Variants in DSCAM observed in about 807,000 individuals in gnomAD.
DSCAM encodes cell adhesion molecule DSCAM.
A neutral mutation model predicts 217.7 loss-of-function variants in DSCAM; 47 were observed. That is an observed-to-expected ratio of 0.22 (90% CI 0.17 to 0.28). The LOEUF (loss-of-function observed/expected upper bound fraction) is 0.28, where lower values mean the gene tolerates loss of function less well. Among genes scored for constraint, DSCAM ranks in the 10% least tolerant of loss-of-function variants. DSCAM has a pLI of 1.00. For synonymous variants in DSCAM, 1,056 were observed against 1,015.3 expected, an observed-to-expected ratio of 1.04 and a Z score of -0.76; for missense variants, 2,080 against 2,618.3, an observed-to-expected ratio of 0.79 and a Z score of 4.49.
At chr21:40,186,385 T>C (rs907823709) in intron 14 of DSCAM, among the ~76,000 whole-genome samples, 1 of 152,176 alleles carries the variant, frequency 6.6e-6, no homozygotes, top group African/African-American at 2.4e-5. Context: ...CTTCCCATGC[T>C]GGTGGTGCTC....
At chr21:40,519,134 G>A (rs765723911) in intron 3 of DSCAM, among the ~76,000 whole-genome samples, 2 of 152,084 alleles carry the variant, frequency 1.3e-5, no homozygotes, top group Non-Finnish European at 2.9e-5. Context: ...TATGAATCTG[G>A]TAATTCAAGA....
chr21:40,071,155 G>A (rs899682581), intron 27 of DSCAM, among the ~76,000 whole-genome samples: 5 of 152,146 alleles, frequency 3.3e-5, no homozygotes, highest in Admixed American at 6.6e-5. Flanking sequence ...GGGCTGCTGG[G>A]ATCTCAGGCC....
At chr21:40,268,035 G>T (rs1038316954) in intron 11 of DSCAM, among the ~76,000 whole-genome samples, 2 of 152,180 alleles carry the variant, frequency 1.3e-5, no homozygotes, top group Non-Finnish European at 2.9e-5. Flanking sequence ...GGTCCCTGCT[G>T]CTCCACAGAT....
intron 3 of DSCAM, among the ~76,000 whole-genome samples, chr21:40,404,721 T>C (rs1326811027): frequency 6.6e-6 from 1 of 152,236 alleles, no homozygotes; most frequent in Non-Finnish European, 1.5e-5. Context: ...GGATATAGAA[T>C]AGTGAGTGGA....
intron 14 of DSCAM, among the ~76,000 whole-genome samples, chr21:40,186,730 C>CT (rs1247253632): frequency 1.3e-5 from 2 of 152,182 alleles, no homozygotes; most frequent in African/African-American, 4.8e-5. Context: ...GCTCAACGCT[C>CT]TGGGTGCAGG....
intron 3 of DSCAM, among the ~76,000 whole-genome samples, chr21:40,563,620 A>ACATGTT (rs1345693014): frequency 2.5e-5 from 3 of 121,030 alleles, no homozygotes; most frequent in African/African-American, 7.4e-5. Context: ...TTACATGTTT[A>ACATGTT]TATATAGTTA....
rs536658678 is a variant in DSCAM at position 40,237,738 on chromosome 21, G to C, written c.2356+38359C>G. Among the ~76,000 whole-genome samples, 4 of 152,268 alleles carry C rather than the reference G, an allele frequency of 2.6e-5. No individual in the cohort carries two copies. In the South Asian group the frequency reaches 8.3e-4, roughly 32 times the overall value. On this transcript the variant is annotated intron_variant, in intron 11 of 32. Coordinates refer to ENST00000400454, the MANE Select transcript of DSCAM (RefSeq NM_001389.5). ...CCTTTGGGTATGTACCTAGTAATGG[G>C]ATTGCTGGGTCAAATGGTATTTCTG...
chr21:40,671,725 A>C (rs9978082), intron 3 of DSCAM, among the ~76,000 whole-genome samples: 127,742 of 143,848 alleles, frequency 0.89, 56,865 homozygotes, highest in East Asian at 1. Context: ...TGACTATGGG[A>C]AAAATGGAAA....
At chr21:40,839,656 T>C (rs1450050967) in intron 1 of DSCAM, among the ~76,000 whole-genome samples, 6 of 152,122 alleles carry the variant, frequency 3.9e-5, no homozygotes, top group African/African-American at 1.4e-4. Flanking sequence ...TGTTTTTTTC[T>C]CCTACAAAAT....
rs111282093 is a variant in DSCAM, at chr21:40,566,098, C to T, written c.508+126712G>A. 4.5e-3 allele frequency among the ~76,000 whole-genome samples: 686 copies of T among 152,200 alleles called. 6 individuals are homozygous for T. Among genetic ancestry groups the T allele is most frequent in the African/African-American group, 0.015 (637 of 41,532 alleles). Reference sequence around the variant, plus strand: ...AGTCATTAAGATGTCATCCTTTTTCCTCTTTCACATATATTATTATTGTCC... The same window carrying T: ...AGTCATTAAGATGTCATCCTTTTTCTTCTTTCACATATATTATTATTGTCC... On this transcript the variant is annotated intron_variant, in intron 3 of 32. Transcript: ENST00000400454.
At chr21:40,473,264 C>A (rs2145972062) in intron 3 of DSCAM, among the ~76,000 whole-genome samples, 1 of 152,300 alleles carries the variant, frequency 6.6e-6, no homozygotes, top group Non-Finnish European at 1.5e-5. Flanking sequence ...AAGAGTGGCA[C>A]ATTCATTTTG....
intron 8 of DSCAM, among the ~76,000 whole-genome samples, chr21:40,329,027 C>T (rs2094872969): frequency 6.6e-6 from 1 of 152,060 alleles, no homozygotes; most frequent in Non-Finnish European, 1.5e-5. Flanking sequence ...CATCGGTGAA[C>T]ATGTGGAGAA....
rs146932433 is a variant in DSCAM at position 40,048,904 on chromosome 21, T to TCTAA, written c.5185+3050_5185+3053dup. Among the ~76,000 whole-genome samples, 788 of 152,270 alleles carry TCTAA rather than the reference T, an allele frequency of 5.2e-3. 52 individuals are homozygous for TCTAA. In the East Asian group the frequency reaches 0.12, roughly 23 times the overall value. ...ACTGTGGGGCCAGTCACCTACCATTTCTAACTCTAAATAAAACACGGAGTG... is the reference window on the plus strand; with the variant it reads ...ACTGTGGGGCCAGTCACCTACCATTTCTAACTAACTCTAAATAAAACACGGAGTG... On this transcript the variant is annotated intron_variant, in intron 30 of 32. Coordinates refer to ENST00000400454, the MANE Select transcript of DSCAM (RefSeq NM_001389.5).
intron 28 of DSCAM, among the ~76,000 whole-genome samples, chr21:40,057,490 A>G (rs1378466443): frequency 1.3e-5 from 2 of 152,186 alleles, no homozygotes; most frequent in South Asian, 2.1e-4. Flanking sequence ...TTGTCCTTGC[A>G]CCAAAAATAG....
At chr21:40,755,003 C>T (rs1200624635) in intron 1 of DSCAM, among the ~76,000 whole-genome samples, 1 of 152,176 alleles carries the variant, frequency 6.6e-6, no homozygotes, top group Non-Finnish European at 1.5e-5. Flanking sequence ...CAGAACAAAG[C>T]TTGGAGGTCT....
At chr21:40,804,598 C>A (rs2091769816) in intron 1 of DSCAM, among the ~76,000 whole-genome samples, 1 of 152,112 alleles carries the variant, frequency 6.6e-6, no homozygotes, top group Non-Finnish European at 1.5e-5. Flanking sequence ...AGCCACTTTG[C>A]AACTCACCCT....
Position 40,042,370 on chromosome 21 carries a change from C to T in DSCAM, c.5686+1G>A. 1 of 1,612,694 alleles carries T rather than the reference C, an allele frequency of 6.2e-7. No homozygotes were observed. Among genetic ancestry groups the T allele is most frequent in the Non-Finnish European group, 8.5e-7 (1 of 1,179,136 alleles). The stretch of plus-strand genomic sequence containing the variant: ...GCCCCCAGGTGGCCTTGCTCACCTA[C>T]CTGGCCGATGTGCCTTTGGAACTGC... On this transcript the variant is annotated splice_donor_variant, in intron 32 of 32. Coordinates refer to ENST00000400454, the MANE Select transcript of DSCAM (RefSeq NM_001389.5). LOFTEE classifies it high-confidence loss of function.
At chr21:40,531,685 G>A (rs1460007275) in intron 3 of DSCAM, among the ~76,000 whole-genome samples, 1 of 152,206 alleles carries the variant, frequency 6.6e-6, no homozygotes, top group Non-Finnish European at 1.5e-5. Context: ...TTCCTGAGTG[G>A]TTGCATCACA....
At chr21:40,780,159 A>C (rs2091526685) in intron 1 of DSCAM, among the ~76,000 whole-genome samples, 1 of 152,174 alleles carries the variant, frequency 6.6e-6, no homozygotes, top group Non-Finnish European at 1.5e-5. Context: ...GCTTGTAAAT[A>C]GCAGAATCTG....
Sources: gnomAD v4.1 joint callset for allele counts (sites outside exome capture counted in the v4.1 genomes callset) on GRCh38, gnomAD v4.1.1 for gene constraint, MANE v1.5 for transcripts, NCBI Gene and HGNC (gene_info 2026-07-23, HGNC 2026-07-21) for gene names.